Variants in CIC observed in about 807,000 individuals in gnomAD.
CIC encodes protein capicua homolog.
A neutral mutation model predicts 115.7 loss-of-function variants in CIC; 18 were observed. The observed-to-expected ratio is 0.16, with a 90% CI of 0.11 to 0.23. The LOEUF (loss-of-function observed/expected upper bound fraction) is 0.23. Among genes scored for constraint, CIC ranks in the 10% least tolerant of loss-of-function variants. CIC has a pLI of 1.00. For missense variants in CIC, 2,000 were observed against 2,159.3 expected, an observed-to-expected ratio of 0.93 and a Z score of 1.46; for synonymous variants, 1,076 against 923.0, an observed-to-expected ratio of 1.17 and a Z score of -3.01.
chr19:42,288,145 G>A (rs1473319940), intron 7 of CIC, among the ~76,000 whole-genome samples, 170 bp downstream of exon 7: 1 of 138,352 alleles, frequency 7.2e-6, no homozygotes, highest in South Asian at 2.3e-4. Flanking sequence ...GACGGAGCCA[G>A]GGAGATCCAC....
chr19:42,284,480 C>T (rs2037460921), intron 2 of CIC: 1 of 145,340 alleles, frequency 6.9e-6, no homozygotes, highest in South Asian at 2.1e-4. Context: ...CTGACCTCCC[C>T]CGCCCCCCGG....
At position 42,292,697 on chromosome 19, in the gene CIC, ACCT is replaced by A. The variant is rs1568523665; in HGVS notation, c.6039_6041del (p.Ser2014del). On this transcript the variant is annotated inframe_deletion, in exon 15 of 21. Coordinates refer to ENST00000681038, the MANE Select transcript of CIC (RefSeq NM_001386298.1). ...ATTTTACTCTGGCAGCCCTGCACCCACCTCCTCAGCACCCCTGGCCCAGCCATC... is the reference window on the plus strand; with the variant it reads ...ATTTTACTCTGGCAGCCCTGCACCCACCTCAGCACCCCTGGCCCAGCCATC... 6.2e-7 allele frequency: 1 copy of A among 1,613,024 alleles called. No homozygotes were observed. The highest frequency in any genetic ancestry group is 1.7e-5 in the Admixed American group (1 of 59,944).
chr19:42,274,748 CT>C (rs2036904958), intron 2 of CIC, among the ~76,000 whole-genome samples, 171 bp downstream of exon 2: 1 of 152,220 alleles, frequency 6.6e-6, no homozygotes, highest in Non-Finnish European at 1.5e-5. Flanking sequence ...AGGGATTGGA[CT>C]TTTAAGGCTC....
In CIC at chr19:42,295,403, T is replaced by A; in HGVS notation, c.*212T>A. ...TGAGGGGCTGCAGGGGCAGTCTCCC[T>A]CCTCCAAGCCCCTGTACATAACCTG... On this transcript the variant is annotated 3_prime_UTR_variant, in exon 21 of 21. Transcript: ENST00000681038. 1.7e-6 allele frequency: 1 copy of A among 576,638 alleles called. No homozygotes were observed. Among genetic ancestry groups the A allele is most frequent in the Non-Finnish European group, 3.1e-6 (1 of 324,558 alleles). The allele number at this position is 576,638 out of a possible 1,614,324, so 35.7% of individuals were successfully genotyped here.
intron 2 of CIC, among the ~76,000 whole-genome samples, chr19:42,286,402 A>C (rs751605180): frequency 1.3e-4 from 20 of 152,006 alleles, no homozygotes; most frequent in Admixed American, 1.3e-4. Flanking sequence ...TGGGGGTCCC[A>C]GCCCGTAGAG....
In CIC at chr19:42,291,124, C is replaced by G; in HGVS notation, c.5083C>G (p.Pro1695Ala). The G allele has an allele frequency of 6.2e-7, 1 of 1,609,204 alleles. No homozygotes were observed. Among genetic ancestry groups the G allele is most frequent in the East Asian group, 2.2e-5 (1 of 44,740 alleles). The change falls in exon 11 of 21, where the codon CCT (proline) becomes GCT (alanine). Residue 1695 changes from proline to alanine, a missense_variant. Physicochemically the swap from Pro to Ala is conservative, Grantham distance 27. This residue lies in a region of CIC where 1,466 missense variants were observed against 1,390.4 expected (regional missense o/e 1.05). Coordinates refer to ENST00000681038, the MANE Select transcript of CIC (RefSeq NM_001386298.1). The part of the protein sequence containing the change: ...PAVQFIAQGA[P>A]GGGTTAGSGA... ...TGTCCAGTTCATTGCCCAGGGGGCC[C>G]CTGGTGGTGGGACCACTGCGGGCTC...
Position 42,273,113 on chromosome 19 carries a change from T to C in CIC, c.1330T>C (p.Cys444Arg). The C allele has an allele frequency of 2.5e-6, 1 of 398,480 alleles. No homozygotes were observed. 24.7% of individuals were successfully genotyped at this position (398,480 alleles called of 1,614,324 possible). ...CCGCCCTGGCGAGCAGCCCTCGCCC[T>C]GCCAGGAGGGGAGCCAGGGCGGCAG... ...PGRPGEQPSP[C>R]QEGSQGGSRS... The change falls in exon 2 of 21, where the codon TGC becomes CGC. Residue 444 changes from cysteine to arginine, a missense_variant. By Grantham distance (180) the Cys-to-Arg change is radical. This residue lies in a region of CIC where 222 missense variants were observed against 247.7 expected (regional missense o/e 0.90). Coordinates refer to ENST00000681038, the MANE Select transcript of CIC (RefSeq NM_001386298.1).
At position 42,273,660 on chromosome 19, in the gene CIC, C is replaced by T; in HGVS notation, c.1877C>T (p.Ser626Leu). 1 of 398,908 alleles carries T rather than the reference C, an allele frequency of 2.5e-6. No individual in the cohort carries two copies. Among genetic ancestry groups the T allele is most frequent in the Non-Finnish European group, 4.4e-6 (1 of 226,156 alleles). The allele number at this position is 398,908 out of a possible 1,614,324, so 24.7% of individuals were successfully genotyped here. The change falls in exon 2 of 21, where the codon TCG (serine) becomes TTG (leucine). Residue 626 changes from serine (S) to leucine (L), a missense_variant. By Grantham distance (145) the Ser-to-Leu change is moderately radical (BLOSUM62 -2). Around this residue, in one of 8 missense-constraint regions of CIC, gnomAD observed 222 missense variants for 247.7 expected, o/e 0.90. Coordinates refer to ENST00000681038, the MANE Select transcript of CIC (RefSeq NM_001386298.1). ...FSPVSTQSPF[S>L]PAPSPSPSPL... is the part of the protein sequence containing the mutation. The stretch of plus-strand genomic sequence containing the variant: ...CCCGTCTCCACTCAATCGCCCTTCT[C>T]GCCAGCCCCATCACCCTCACCCTCA...
rs1013343965 is a variant in CIC, at chr19:42,273,108, C to T, written c.1325C>T (p.Ser442Leu). ...VGPGRPGEQP[S>L]PCQEGSQGGS... ...CCCGGCCGCCCTGGCGAGCAGCCCT[C>T]GCCCTGCCAGGAGGGGAGCCAGGGC... is the stretch of plus-strand genomic sequence containing the variant. Residue 442 changes from serine to leucine, a missense_variant, in exon 2 of 21, where the codon TCG becomes TTG. Around this residue, in one of 8 missense-constraint regions of CIC, gnomAD observed 222 missense variants for 247.7 expected, o/e 0.90. Coordinates refer to ENST00000681038, the MANE Select transcript of CIC (RefSeq NM_001386298.1). 1 of 398,728 alleles carries T rather than the reference C, an allele frequency of 2.5e-6. No individual in the cohort carries two copies. The allele number at this position is 398,728 out of a possible 1,614,324, so 24.7% of individuals were successfully genotyped here.
rs2147283952 is a variant in CIC at position 42,291,737 on chromosome 19, C to T, written c.5605C>T (p.Pro1869Ser). The stretch of plus-strand genomic sequence containing the variant: ...ACCTGTGCAGAATGGTGCCCAGCCC[C>T]CCAGCAAGGTGAGGGCCTGCCTTTC... Reference protein sequence around the residue: ...SVPVQNGAQPPSKIIQLTPVP... With the variant: ...SVPVQNGAQPSSKIIQLTPVP... Residue 1869 changes from proline (P) to serine (S), a missense_variant, in exon 12 of 21, where the codon CCC (proline) becomes TCC (serine). Transcript: ENST00000681038. The T allele has an allele frequency of 6.2e-7, 1 of 1,613,042 alleles. No homozygotes were observed. The highest frequency in any genetic ancestry group is 8.5e-7 in the Non-Finnish European group (1 of 1,180,018).
At chr19:42,281,268 C>T (rs1413711706) in intron 2 of CIC, among the ~76,000 whole-genome samples, 2 of 152,178 alleles carry the variant, frequency 1.3e-5, no homozygotes, top group Non-Finnish European at 2.9e-5. Context: ...TGCGGTGCCT[C>T]GCGGGCTCAA....
At position 42,293,241 on chromosome 19, in the gene CIC, C is replaced by T. The variant is rs377237325; in HGVS notation, c.6482C>T (p.Pro2161Leu). The stretch of plus-strand genomic sequence containing the variant: ...CGGAGCAGCCCCCCACTGCCCCCAC[C>T]TGCTGAGGAGCGGACCAGCGCCAAG... The part of the protein sequence containing the change: ...TARSSPPLPP[P>L]AEERTSAKGP... Residue 2161 changes from proline (P) to leucine (L), a missense_variant, in exon 16 of 21, where the codon CCT becomes CTT. By Grantham distance (98) the Pro-to-Leu change is moderately conservative. Transcript: ENST00000681038. 8.2e-6 allele frequency: 13 copies of T among 1,593,684 alleles called. No individual in the cohort carries two copies. Among genetic ancestry groups the T allele is most frequent in the Non-Finnish European group, 1.1e-5 (13 of 1,171,724 alleles).
rs1197815222 is a variant in CIC, at chr19:42,295,683, AGGTGATT to A, written c.*493_*499del. On this transcript the variant is annotated 3_prime_UTR_variant, in exon 21 of 21. Coordinates refer to ENST00000681038, the MANE Select transcript of CIC (RefSeq NM_001386298.1). ...CCAACTTGGGTTGTACTTTCTAAGA[AGGTGATT>A]CCCCCTGCCCTTGCCCCCTTCCCCA... 8.6e-6 allele frequency: 2 copies of A among 231,616 alleles called. No individual in the cohort carries two copies. The highest frequency in any genetic ancestry group is 1.7e-5 in the Non-Finnish European group (2 of 117,130). The allele number at this position is 231,616 out of a possible 1,614,324, so 14.3% of individuals were successfully genotyped here.
At chr19:42,284,967 G>A (rs1409006028) in intron 2 of CIC, among the ~76,000 whole-genome samples, 4 of 152,154 alleles carry the variant, frequency 2.6e-5, no homozygotes, top group Non-Finnish European at 4.4e-5. Flanking sequence ...GGGCGTATCT[G>A]GGGACAGCTG....
intron 2 of CIC, 95 bp from the exon 3 acceptor site, chr19:42,286,676 G>C (rs1249872542): frequency 8.4e-6 from 13 of 1,540,310 alleles, no homozygotes; most frequent in Non-Finnish European, 3.6e-6. Flanking sequence ...GTAGACAAAA[G>C]GGGTGGGGCT....
At chr19:42,276,691 C>T (rs1321270040) in intron 2 of CIC, among the ~76,000 whole-genome samples, 1 of 152,154 alleles carries the variant, frequency 6.6e-6, no homozygotes, top group Non-Finnish European at 1.5e-5. Flanking sequence ...AATTTCACAG[C>T]AGGGATTTCT....
intron 9 of CIC, 141 bp from the exon 10 acceptor site, chr19:42,289,707 C>T: frequency 3.7e-6 from 3 of 801,518 alleles, no homozygotes; most frequent in South Asian, 3.0e-5. Context: ...CATGTGGGCA[C>T]AGCCCTGGGC....
rs2147263412 is a variant in CIC, at chr19:42,290,881, G to A, written c.4840G>A (p.Ala1614Thr). 6.2e-7 allele frequency: 1 copy of A among 1,613,202 alleles called. No homozygotes were observed. The highest frequency in any genetic ancestry group is 1.7e-5 in the Admixed American group (1 of 59,976). ...GGCTGAGGCGTCTCCAAATGACACA[G>A]CAGGTGCCAGGACTGAAATGGGCAC... ...GRAEASPNDT[A>T]GARTEMGTGS... Residue 1614 changes from alanine (A) to threonine (T), a missense_variant, in exon 11 of 21, where the codon GCA (alanine) becomes ACA (threonine). By Grantham distance (58) the Ala-to-Thr change is moderately conservative. Transcript: ENST00000681038.
chr19:42,292,046 G>T (rs780394312), intron 12 of CIC, 40 bp from the exon 13 acceptor site: 1 of 1,612,240 alleles, frequency 6.2e-7, no homozygotes, highest in Admixed American at 1.7e-5. Context: ...CCAGTCTGGG[G>T]CCACAGCTCA....
Sources: allele counts gnomAD v4.1 joint callset (sites outside exome capture counted in the v4.1 genomes callset), GRCh38; gene constraint gnomAD v4.1.1; regional missense constraint gnomAD v4.1.1; transcripts MANE v1.5; gene names NCBI Gene and HGNC (gene_info 2026-07-23, HGNC 2026-07-21).